Variants in GNA14 observed in about 807,000 individuals in gnomAD.
The protein encoded by GNA14 is G protein subunit alpha 14.
GNA14 carries 50 observed loss-of-function variants against 42.0 expected under a neutral mutation model. The ratio of observed to expected loss-of-function variants is 1.19; its 90% confidence interval spans 0.95 to 1.51. GNA14 has a LOEUF of 1.51. Among genes scored for constraint, GNA14 ranks in the 40% most tolerant of loss-of-function variants. The pLI, the probability that GNA14 is intolerant of heterozygous loss-of-function variation, is 0.00. For synonymous variants in GNA14, 173 were observed against 163.1 expected, an observed-to-expected ratio of 1.06 and a Z score of -0.46; for missense variants, 473 against 446.2, an observed-to-expected ratio of 1.06 and a Z score of -0.54.
chr9:77,549,964 G>A (rs947180339), intron 1 of GNA14, among the ~76,000 whole-genome samples: 1 of 152,196 alleles, frequency 6.6e-6, no homozygotes, highest in Non-Finnish European at 1.5e-5. Flanking sequence ...CGTCTTGGGG[G>A]TGAACATGTC....
intron 2 of GNA14, among the ~76,000 whole-genome samples, chr9:77,519,211 G>A (rs890502237): frequency 2.0e-4 from 30 of 152,178 alleles, no homozygotes; most frequent in African/African-American, 7.2e-4. Flanking sequence ...AGAAGTTCAA[G>A]AGCAGCCTGG....
chr9:77,483,146 C>T (rs1836589222), intron 2 of GNA14, among the ~76,000 whole-genome samples: 1 of 152,122 alleles, frequency 6.6e-6, no homozygotes, highest in Non-Finnish European at 1.5e-5. Context: ...TTTAGAGTTT[C>T]CAGTTTTTCT....
At chr9:77,645,154 A>G (rs949478758) in intron 1 of GNA14, among the ~76,000 whole-genome samples, 2 of 152,248 alleles carry the variant, frequency 1.3e-5, no homozygotes, top group African/African-American at 2.4e-5. Flanking sequence ...AGCATGCTTC[A>G]TTGTGAAAGA....
intron 1 of GNA14, among the ~76,000 whole-genome samples, chr9:77,611,315 C>A (rs1200029813): frequency 6.6e-6 from 1 of 152,198 alleles, no homozygotes. Flanking sequence ...CCTGCTCCAG[C>A]ATCCCAAGGG....
chr9:77,456,594 C>T (rs567364541), intron 2 of GNA14: 6 of 152,234 alleles, frequency 3.9e-5, no homozygotes, highest in African/African-American at 7.2e-5. Flanking sequence ...CCCAAAAGCA[C>T]GATGTGACTG....
chr9:77,428,109 C>T (rs555923568), intron 5 of GNA14, among the ~76,000 whole-genome samples: 36 of 133,696 alleles, frequency 2.7e-4, no homozygotes, highest in African/African-American at 1.0e-3. Flanking sequence ...GATGGAGTCT[C>T]GCTCTGTTGC....
intron 2 of GNA14, among the ~76,000 whole-genome samples, chr9:77,449,890 C>T (rs941226175): frequency 1.3e-5 from 2 of 152,192 alleles, no homozygotes; most frequent in Admixed American, 6.5e-5. Context: ...CCCAGGCCTC[C>T]TTCTAGACAT....
chr9:77,555,622 T>C (rs1446027601), intron 1 of GNA14, among the ~76,000 whole-genome samples: 1 of 152,204 alleles, frequency 6.6e-6, no homozygotes, highest in Admixed American at 6.5e-5. Flanking sequence ...ATGATTGTTG[T>C]GTTCTTTCAA....
intron 2 of GNA14, among the ~76,000 whole-genome samples, chr9:77,513,843 T>C (rs1837208335): frequency 6.6e-6 from 1 of 152,236 alleles, no homozygotes; most frequent in Non-Finnish European, 1.5e-5. Context: ...GGTCACCTTA[T>C]TGTTTGCTGT....
chr9:77,435,924 C>T (rs147744048), intron 2 of GNA14, among the ~76,000 whole-genome samples: 3 of 152,192 alleles, frequency 2.0e-5, no homozygotes, highest in Non-Finnish European at 4.4e-5. Context: ...ACAGCAGTTA[C>T]ATCACCAAGC....
intron 1 of GNA14, among the ~76,000 whole-genome samples, chr9:77,551,843 A>C (rs1388995856): frequency 6.6e-6 from 1 of 152,078 alleles, no homozygotes; most frequent in Non-Finnish European, 1.5e-5. Context: ...ATACAGCCTT[A>C]ATATAAAGAA....
chr9:77,594,498 T>A (rs1003410783), intron 1 of GNA14, among the ~76,000 whole-genome samples: 1 of 152,152 alleles, frequency 6.6e-6, no homozygotes, highest in African/African-American at 2.4e-5. Context: ...ACCCAAAGTG[T>A]CAAGTATTTA....
chr9:77,644,187 C>G (rs12343334), intron 1 of GNA14, among the ~76,000 whole-genome samples: 1 of 151,924 alleles, frequency 6.6e-6, no homozygotes, highest in Non-Finnish European at 1.5e-5. Context: ...GGAAGTGGCA[C>G]GACACAGTGG....
intron 1 of GNA14, among the ~76,000 whole-genome samples, chr9:77,640,586 C>A (rs1824241565): frequency 6.6e-6 from 1 of 152,130 alleles, no homozygotes; most frequent in South Asian, 2.1e-4. Context: ...CACTTTATAT[C>A]TGCCCACAGC....
At chr9:77,467,851 A>G (rs1822544) in intron 2 of GNA14, among the ~76,000 whole-genome samples, 94,786 of 151,666 alleles carry the variant, frequency 0.62, 31,241 homozygotes, top group African/African-American at 0.84. Context: ...GGAAAAAGTT[A>G]ATAGTACTTG....
Position 77,431,382 on chromosome 9 carries a change from C to G in GNA14, c.532G>C (p.Val178Leu). Residue 178 changes from valine (V) to leucine (L), a missense_variant, in exon 4 of 7, where the codon GTC becomes CTC. Val to Leu is a conservative substitution (Grantham distance 32, BLOSUM62 1). Coordinates refer to ENST00000341700, the MANE Select transcript of GNA14 (RefSeq NM_004297.4). The part of the protein sequence containing the change: ...FVPTQQDVLR[V>L]RVPTTGIIEY... The stretch of plus-strand genomic sequence containing the variant: ...ATGATGCCGGTGGTGGGCACTCGGA[C>G]GCGAAGCACATCTTGTTGGGTAGGC... 6.2e-7 allele frequency: 1 copy of G among 1,613,560 alleles called. No individual in the cohort carries two copies. The highest frequency in any genetic ancestry group is 8.5e-7 in the Non-Finnish European group (1 of 1,179,662).
At chr9:77,500,647 T>G (rs191783741) in intron 2 of GNA14, among the ~76,000 whole-genome samples, 71 of 152,316 alleles carry the variant, frequency 4.7e-4, no homozygotes, top group African/African-American at 1.6e-3. Context: ...CACTAATCTA[T>G]TCTCCCTTTC....
chr9:77,516,260 A>G (rs1019341937), intron 2 of GNA14, among the ~76,000 whole-genome samples: 1 of 152,166 alleles, frequency 6.6e-6, no homozygotes, highest in Non-Finnish European at 1.5e-5. Flanking sequence ...TCGTATAACA[A>G]ATATTTATCA....
intron 2 of GNA14, among the ~76,000 whole-genome samples, chr9:77,453,635 G>A (rs1587770398): frequency 6.6e-6 from 1 of 152,142 alleles, no homozygotes; most frequent in African/African-American, 2.4e-5. Context: ...CATGTGTATG[G>A]CTTAAAAACA....
Sources: allele counts gnomAD v4.1 joint callset (sites outside exome capture counted in the v4.1 genomes callset), GRCh38; gene constraint gnomAD v4.1.1; transcripts MANE v1.5; gene names NCBI Gene and HGNC (gene_info 2026-07-23, HGNC 2026-07-21).